ADH1C: variants seen among roughly 807,000 people sequenced by gnomAD.
ADH1C encodes the protein alcohol dehydrogenase 1C (class I), gamma polypeptide.
Under a neutral mutation model 35.0 loss-of-function variants are expected in ADH1C, and 26 were observed. The observed-to-expected ratio is 0.74, with a 90% CI of 0.54 to 1.03. ADH1C has a LOEUF of 1.03. ADH1C is among the 50% of genes least tolerant of loss of function. ADH1C has a pLI of 0.00. For synonymous variants in ADH1C, 170 were observed against 169.3 expected, an observed-to-expected ratio of 1.00 and a Z score of -0.03; for missense variants, 413 against 465.4, an observed-to-expected ratio of 0.89 and a Z score of 1.04.
intron 1 of ADH1C, 21 bp from the exon 2 acceptor site, chr4:99,347,867 A>T (rs745582294): frequency 6.2e-7 from 1 of 1,612,880 alleles, no homozygotes. Context: ...AGACAGAGAG[A>T]TGGTACCAGT....
chr4:99,340,597 C>T lies in ADH1C; in HGVS notation c.942G>A (p.Thr314=), dbSNP rs375208824. The change falls in exon 7 of 9, where the codon ACG becomes ACA. Residue 314 remains threonine, a synonymous_variant. Coordinates refer to ENST00000515683, the MANE Select transcript of ADH1C (RefSeq NM_000669.5). ...TACCTCCAAAAATAGCTCCTTTCCACGTGCGTCCAGTCAGTAGCAGCATAG... is the reference window on the plus strand; with the variant it reads ...TACCTCCAAAAATAGCTCCTTTCCATGTGCGTCCAGTCAGTAGCAGCATAG... ...INPMLLLTGR[T]WKGAIFGGFK... is the part of the protein sequence containing the mutation. The T allele has an allele frequency of 2.0e-5, 32 of 1,614,028 alleles. No individual in the cohort carries two copies. Among genetic ancestry groups the T allele is most frequent in the South Asian group, 5.5e-5 (5 of 91,076 alleles).
intron 3 of ADH1C, among the ~76,000 whole-genome samples, chr4:99,345,999 A>G (rs6532815): frequency 0.11 from 16,204 of 152,196 alleles, 1,331 homozygotes; most frequent in Admixed American, 0.27. Flanking sequence ...GTGAGAAATA[A>G]GGCAGTCGTT....
intron 8 of ADH1C, 44 bp from the exon 9 acceptor site, chr4:99,336,820 C>A (rs760256176): frequency 1.2e-6 from 2 of 1,612,124 alleles, no homozygotes; most frequent in Non-Finnish European, 8.5e-7. Context: ...TTTAGACAAC[C>A]CACATGCTTC....
Position 99,336,567 on chromosome 4 carries a change from G to A in ADH1C, c.*185C>T. The A allele has an allele frequency of 1.3e-6, 1 of 754,524 alleles. No individual in the cohort carries two copies. Among genetic ancestry groups the A allele is most frequent in the Non-Finnish European group, 2.2e-6 (1 of 459,696 alleles). The allele number at this position is 754,524 out of a possible 1,614,324, so 46.7% of individuals were successfully genotyped here. On this transcript the variant is annotated 3_prime_UTR_variant, in exon 9 of 9. Transcript: ENST00000515683. ...TCAACACTTTATTTAGTTCTCATTTGGATTTTAAACATTTGCTTGACAAAT... is the reference window on the plus strand; with the variant it reads ...TCAACACTTTATTTAGTTCTCATTTAGATTTTAAACATTTGCTTGACAAAT...
chr4:99,351,268 G>A (rs1560540340), intron 1 of ADH1C: 1 of 152,214 alleles, frequency 6.6e-6, no homozygotes, highest in East Asian at 1.9e-4. Context: ...TATTTACCAG[G>A]TACTATTCTA....
At chr4:99,348,117 A>T (rs1207919644) in intron 1 of ADH1C, among the ~76,000 whole-genome samples, 1 of 151,776 alleles carries the variant, frequency 6.6e-6, no homozygotes, top group African/African-American at 2.4e-5. Flanking sequence ...ATTTTATTTT[A>T]TTTTTTTTGA....
At chr4:99,351,423 G>A (rs1479703249) in intron 1 of ADH1C, among the ~76,000 whole-genome samples, 1 of 152,162 alleles carries the variant, frequency 6.6e-6, no homozygotes, top group African/African-American at 2.4e-5. Flanking sequence ...AGTTATTGAT[G>A]TTGCACTCAA....
chr4:99,347,115 A>T lies in ADH1C; in HGVS notation c.150T>A (p.Asp50Glu). The change falls in exon 3 of 9, where the codon GAT becomes GAA. Residue 50 changes from aspartate to glutamate, a missense_variant. Asp to Glu is a conservative substitution (Grantham distance 45). Transcript: ENST00000515683. ...KMVAAGICRS[D>E]EHVVSGNLVT... ...CCAGGTTGCCACTAACCACATGCTC[A>T]TCTGAACGACAGATTCCTGCAGCCA... 1 of 1,614,054 alleles carries T rather than the reference A, an allele frequency of 6.2e-7. No homozygotes were observed. Among genetic ancestry groups the T allele is most frequent in the Non-Finnish European group, 8.5e-7 (1 of 1,179,968 alleles).
At chr4:99,339,537 T>A in intron 8 of ADH1C, 40 bp downstream of exon 8, 1 of 1,111,388 alleles carries the variant, frequency 9.0e-7, no homozygotes, top group Non-Finnish European at 1.2e-6. Flanking sequence ...GCCGCTACTG[T>A]AGAATACAAA....
intron 1 of ADH1C, among the ~76,000 whole-genome samples, chr4:99,350,197 G>C (rs1399855612): frequency 2.0e-5 from 3 of 152,150 alleles, no homozygotes; most frequent in Non-Finnish European, 4.4e-5. Context: ...TGATTGTCAG[G>C]TGCCTATGAT....
intron 1 of ADH1C, 64 bp downstream of exon 1, chr4:99,352,594 T>C (rs915869571): frequency 1.4e-6 from 2 of 1,379,970 alleles, no homozygotes; most frequent in Admixed American, 3.4e-5. Context: ...TTATTAATAC[T>C]GTATTCCTTT....
Position 99,339,717 on chromosome 4 carries a change from T to C in ADH1C, c.965-2A>G. The C allele has an allele frequency of 1.2e-6, 2 of 1,602,218 alleles. No homozygotes were observed. Among genetic ancestry groups the C allele is most frequent in the East Asian group, 2.2e-5 (1 of 44,706 alleles). ...GGACAGATTCTTTACTCTTAAAGCC[T>C]GAAAAGAAGAAAATATCATTGATAG... On this transcript the variant is annotated splice_acceptor_variant, in intron 7 of 8. Transcript: ENST00000515683. LOFTEE classifies it high-confidence loss of function.
rs35124782 is a variant in ADH1C, at chr4:99,338,395, CTATATATATATATATATATATATA to C, written c.1103+1158_1103+1181del. Reference sequence around the variant, plus strand: ...ATTAACCTTTGATGAATACTGTTTTCTATATATATATATATATATATATATATATATATATATATATATATATAT... The same window carrying C: ...ATTAACCTTTGATGAATACTGTTTTCTATATATATATATATATATATATAT... On this transcript the variant is annotated intron_variant, in intron 8 of 8. Transcript: ENST00000515683. 2.1e-3 allele frequency among the ~76,000 whole-genome samples: 81 copies of C among 38,962 alleles called. 4 individuals are homozygous for C. The highest frequency in any genetic ancestry group is 2.9e-3 in the Non-Finnish European group (63 of 21,472). 25.6% of individuals were successfully genotyped at this position (38,962 alleles called of 152,430 possible). A position where few individuals can be genotyped will look rare whatever the true frequency, so the allele number is the denominator to read the frequency against.
At chr4:99,345,548 T>C (rs796462709) in intron 3 of ADH1C, among the ~76,000 whole-genome samples, 25 of 152,382 alleles carry the variant, frequency 1.6e-4, no homozygotes, top group African/African-American at 6.0e-4. Flanking sequence ...CGCAGTGCAC[T>C]AATTTATCCT....
At position 99,336,660 on chromosome 4, in the gene ADH1C, A is replaced by G; in HGVS notation, c.*92T>C. 6.8e-7 allele frequency: 1 copy of G among 1,461,080 alleles called. No individual in the cohort carries two copies. Among genetic ancestry groups the G allele is most frequent in the African/African-American group, 1.4e-5 (1 of 71,726 alleles). The allele number at this position is 1,461,080 out of a possible 1,614,324, so 90.5% of individuals were successfully genotyped here. A position where few individuals can be genotyped will look rare whatever the true frequency, so the allele number is the denominator to read the frequency against. ...TAATTTATTTTTAACATCTCTGAAG[A>G]GCAGAATTAATGATATTTCCTAGCT... On this transcript the variant is annotated 3_prime_UTR_variant, in exon 9 of 9. Transcript: ENST00000515683.
chr4:99,338,396 T>G (rs1399142663), intron 8 of ADH1C, among the ~76,000 whole-genome samples: 2 of 7,424 alleles, frequency 2.7e-4, no homozygotes, highest in African/African-American at 7.4e-4. Flanking sequence ...TACTGTTTTC[T>G]ATATATATAT....
chr4:99,342,035 T>TA (rs1734427994), intron 6 of ADH1C, among the ~76,000 whole-genome samples: 2 of 150,880 alleles, frequency 1.3e-5, no homozygotes, highest in Admixed American at 6.6e-5. Flanking sequence ...AATAAATAAA[T>TA]AAATAAAATA....
Position 99,339,845 on chromosome 4 carries a change from G to C in ADH1C, c.965-130C>G, listed in dbSNP as rs1275222056. The C allele has an allele frequency of 3.5e-6, 3 of 851,526 alleles. No homozygotes were observed. In the African/African-American group the frequency reaches 5.3e-5, roughly 15 times the overall value. The allele number at this position is 851,526 out of a possible 1,614,324, so 52.7% of individuals were successfully genotyped here. Reference sequence around the variant, plus strand: ...AGACTGCTATAACTGAGGATAATAAGAGATAGAGTACTTCAATATGCTTTT... The same window carrying C: ...AGACTGCTATAACTGAGGATAATAACAGATAGAGTACTTCAATATGCTTTT... On this transcript the variant is annotated intron_variant, in intron 7 of 8. Coordinates refer to ENST00000515683, the MANE Select transcript of ADH1C (RefSeq NM_000669.5).
At chr4:99,342,351 G>C (rs1216244005) in intron 6 of ADH1C, among the ~76,000 whole-genome samples, 1 of 152,106 alleles carries the variant, frequency 6.6e-6, no homozygotes, top group Non-Finnish European at 1.5e-5. Flanking sequence ...GTCTAAAATT[G>C]CTCATTTCTT....
Sources: allele counts gnomAD v4.1 joint callset (sites outside exome capture counted in the v4.1 genomes callset), GRCh38; gene constraint gnomAD v4.1.1; transcripts MANE v1.5; gene names NCBI Gene and HGNC (gene_info 2026-07-23, HGNC 2026-07-21).